The following SUN2 variants were observed in gnomAD, a reference collection of about 807,000 sequenced individuals.
SUN2 encodes the protein SUN domain-containing protein 2.
A neutral mutation model predicts 100.0 loss-of-function variants in SUN2; 60 were observed. The observed-to-expected ratio is 0.60, with a 90% CI of 0.49 to 0.74. The LOEUF (loss-of-function observed/expected upper bound fraction) is 0.74. Ranked by LOEUF, SUN2 falls within the 30% of genes least tolerant of loss-of-function variation. SUN2 has a pLI of 0.00. For missense variants in SUN2, 834 were observed against 954.6 expected, an observed-to-expected ratio of 0.87 and a Z score of 1.66; for synonymous variants, 367 against 403.3, an observed-to-expected ratio of 0.91 and a Z score of 1.08.
chr22:38,745,548 G>T, intron 8 of SUN2, 136 bp downstream of exon 8: 2 of 1,159,452 alleles, frequency 1.7e-6, no homozygotes, highest in South Asian at 1.5e-5. Context: ...TGTTTTCTGT[G>T]CCTTGTAAGA....
rs1476282923 is a variant in SUN2, at chr22:38,755,036, G to C, written c.-38+727C>G. 1 of 1,147,156 alleles carries C rather than the reference G, an allele frequency of 8.7e-7. No homozygotes were observed. The highest frequency in any genetic ancestry group is 6.0e-5 in the East Asian group (1 of 16,626). 71.1% of individuals were successfully genotyped at this position (1,147,156 alleles called of 1,614,324 possible). A position where few individuals can be genotyped will look rare whatever the true frequency, so the allele number is the denominator to read the frequency against. Reference sequence around the variant, plus strand: ...CGCCCCACCTCCTCCCTAACAATCAGTTAGGAAACGCTCATCGGAAAGCAT... The same window carrying C: ...CGCCCCACCTCCTCCCTAACAATCACTTAGGAAACGCTCATCGGAAAGCAT... On this transcript the variant is annotated intron_variant, in intron 1 of 17. Coordinates refer to ENST00000689035, the MANE Select transcript of SUN2 (RefSeq NM_015374.3). The surrounding 1 kb of genome is among the most constrained non-coding windows in gnomAD (Gnocchi z 5.7).
At position 38,751,392 on chromosome 22, in the gene SUN2, G is replaced by A. The variant is rs767573606; in HGVS notation, c.123-19C>T. 3 of 1,612,274 alleles carry A rather than the reference G, an allele frequency of 1.9e-6. No individual in the cohort carries two copies. The highest frequency in any genetic ancestry group is 2.2e-5 in the East Asian group (1 of 44,882). Reference sequence around the variant, plus strand: ...CAAGGTCCTGTGGGACAACCATGAGGGCAGAGGTAGGGAGCAGGGAGGTGA... The same window carrying A: ...CAAGGTCCTGTGGGACAACCATGAGAGCAGAGGTAGGGAGCAGGGAGGTGA... On this transcript the variant is annotated intron_variant, in intron 2 of 17. Coordinates refer to ENST00000689035, the MANE Select transcript of SUN2 (RefSeq NM_015374.3).
At position 38,749,848 on chromosome 22, in the gene SUN2, T is replaced by C. The variant is rs1445522832; in HGVS notation, c.532A>G (p.Arg178Gly). 6.2e-7 allele frequency: 1 copy of C among 1,613,438 alleles called. No individual in the cohort carries two copies. Among genetic ancestry groups the C allele is most frequent in the South Asian group, 1.1e-5 (1 of 91,002 alleles). ...GTGCCAGCCCACCAGTAGAGAAGTC[T>C]GAAGAGCCGGCCTGGAAGAATGACC... ...MVATSPGRLF[R>G]LLYWWAGTTW... The change falls in exon 6 of 18, where the codon AGA (arginine) becomes GGA (glycine). Residue 178 changes from arginine to glycine, a missense_variant. Arg to Gly is a moderately radical substitution (Grantham distance 125). This residue lies in a region of SUN2 where 559 missense variants were observed against 597.7 expected (regional missense o/e 0.94). Coordinates refer to ENST00000689035, the MANE Select transcript of SUN2 (RefSeq NM_015374.3).
intron 1 of SUN2, among the ~76,000 whole-genome samples, chr22:38,753,976 A>C (rs1392553386): frequency 2.0e-5 from 3 of 152,240 alleles, no homozygotes; most frequent in Admixed American, 1.3e-4. Context: ...GGCTGTATAC[A>C]AACTTGTTAC....
chr22:38,740,170 G>C lies in SUN2; in HGVS notation c.1356+97C>G. The C allele has an allele frequency of 7.1e-7, 1 of 1,402,152 alleles. No individual in the cohort carries two copies. The highest frequency in any genetic ancestry group is 9.4e-7 in the Non-Finnish European group (1 of 1,062,812). The allele number at this position is 1,402,152 out of a possible 1,614,324, so 86.9% of individuals were successfully genotyped here. A position where few individuals can be genotyped will look rare whatever the true frequency, so the allele number is the denominator to read the frequency against. On this transcript the variant is annotated intron_variant, in intron 12 of 17. Coordinates refer to ENST00000689035, the MANE Select transcript of SUN2 (RefSeq NM_015374.3). The surrounding 1 kb of genome is among the most constrained non-coding windows in gnomAD (Gnocchi z 4.8). Reference sequence around the variant, plus strand: ...CCACAGTCTCTTGGGCATAACAGAGGCTGCAGGGGCAAGGGGTGCTGCTTT... The same window carrying C: ...CCACAGTCTCTTGGGCATAACAGAGCCTGCAGGGGCAAGGGGTGCTGCTTT...
In SUN2 at chr22:38,740,915, T is replaced by A; in HGVS notation, c.1190+92A>T. 2 of 1,354,052 alleles carry A rather than the reference T, an allele frequency of 1.5e-6. No individual in the cohort carries two copies. The highest frequency in any genetic ancestry group is 2.0e-5 in the Admixed American group (1 of 50,674). 83.9% of individuals were successfully genotyped at this position (1,354,052 alleles called of 1,614,324 possible). ...ATCTGCTTGGCAAGATGATCAGAAC[T>A]CTCTGCTCTGCGGCTCTGCTCCCCA... On this transcript the variant is annotated intron_variant, in intron 11 of 17. Transcript: ENST00000689035. The surrounding 1 kb of genome is among the most constrained non-coding windows in gnomAD (Gnocchi z 4.8).
intron 1 of SUN2, chr22:38,754,529 G>T: frequency 1.1e-6 from 1 of 940,570 alleles, no homozygotes; most frequent in Non-Finnish European, 1.5e-6. Flanking sequence ...GTTGGAAAAG[G>T]GACCGATTGG....
chr22:38,755,806 C>A lies in SUN2; in HGVS notation c.-81G>T, dbSNP rs1432727972. On this transcript the variant is annotated 5_prime_UTR_variant, in exon 1 of 18. Coordinates refer to ENST00000689035, the MANE Select transcript of SUN2 (RefSeq NM_015374.3). This position sits in a 1 kb window ranked among gnomAD's most constrained non-coding sequence, Gnocchi z 5.7. ...CTAGCCCGGCCGGGGGCGTCCGAGG[C>A]CAGGCCGCCGCCGGGGCGCGCCCCC... is the stretch of plus-strand genomic sequence containing the variant. 1 of 984,004 alleles carries A rather than the reference C, an allele frequency of 1.0e-6. No individual in the cohort carries two copies. Among genetic ancestry groups the A allele is most frequent in the Non-Finnish European group, 1.2e-6 (1 of 829,450 alleles). 61.0% of individuals were successfully genotyped at this position (984,004 alleles called of 1,614,324 possible).
intron 7 of SUN2, 34 bp from the exon 8 acceptor site, chr22:38,745,845 G>C: frequency 6.2e-7 from 1 of 1,607,882 alleles, no homozygotes; most frequent in Non-Finnish European, 8.5e-7. Context: ...ACCCCAGCTG[G>C]GCCTCCAGCA....
rs751557207 is a variant in SUN2 at position 38,741,581 on chromosome 22, G to A, written c.1069-10C>T. ...GGGCAGACAGTTCTTCCTGTGAGAC[G>A]GGAGTGAGAGGACAGGTTGGACAGA... On this transcript the variant is annotated splice_polypyrimidine_tract_variant and intron_variant, in intron 9 of 17. Transcript: ENST00000689035. 17 of 1,613,352 alleles carry A rather than the reference G, an allele frequency of 1.1e-5. No homozygotes were observed. The Admixed American group carries it at 1.3e-4, about 13-fold the overall frequency.
intron 6 of SUN2, chr22:38,748,990 A>G: frequency 2.0e-6 from 1 of 511,648 alleles, no homozygotes; most frequent in Non-Finnish European, 3.5e-6. Flanking sequence ...TGATGGGACA[A>G]TTTTGACTGA....
In SUN2 at chr22:38,740,809, C is replaced by T. The variant is rs1051444617; in HGVS notation, c.1190+198G>A. The T allele has an allele frequency of 1.6e-5, 10 of 621,378 alleles. No homozygotes were observed. Among genetic ancestry groups the T allele is most frequent in the African/African-American group, 3.7e-5 (2 of 54,334 alleles). The allele number at this position is 621,378 out of a possible 1,614,324, so 38.5% of individuals were successfully genotyped here. ...CACAGCCTGCCCCCCGCCCTCAGGA[C>T]CCCCCTGCTAACCTCCATGGCACCT... On this transcript the variant is annotated intron_variant, in intron 11 of 17. Coordinates refer to ENST00000689035, the MANE Select transcript of SUN2 (RefSeq NM_015374.3). This position sits in a 1 kb window ranked among gnomAD's most constrained non-coding sequence, Gnocchi z 4.8.
Position 38,737,885 on chromosome 22 carries a change from C to T in SUN2, c.2040+288G>A, listed in dbSNP as rs1014073163. The T allele has an allele frequency of 4.2e-5, 26 of 622,934 alleles. No homozygotes were observed. Among genetic ancestry groups the T allele is most frequent in the East Asian group, 1.4e-4 (4 of 28,142 alleles). The allele number at this position is 622,934 out of a possible 1,614,324, so 38.6% of individuals were successfully genotyped here. On this transcript the variant is annotated intron_variant, in intron 17 of 17. Transcript: ENST00000689035. The surrounding 1 kb of genome is among the most constrained non-coding windows in gnomAD (Gnocchi z 4.1). ...GCGGCGGCTCCTCGAACGCCTCTCC[C>T]GGCCTTCCTTTCCTGGCCACCCAAC...
chr22:38,748,616 C>T (rs920129898), intron 7 of SUN2, 97 bp downstream of exon 7: 23 of 1,401,808 alleles, frequency 1.6e-5, no homozygotes, highest in Non-Finnish European at 2.1e-5. Context: ...CACAGGCACA[C>T]CCCACCCAGT....
Position 38,740,677 on chromosome 22 carries a change from C to T in SUN2, c.1191-245G>A, listed in dbSNP as rs928599686. 3 of 572,796 alleles carry T rather than the reference C, an allele frequency of 5.2e-6. No individual in the cohort carries two copies. Among genetic ancestry groups the T allele is most frequent in the African/African-American group, 3.7e-5 (2 of 53,446 alleles). 35.5% of individuals were successfully genotyped at this position (572,796 alleles called of 1,614,324 possible). A position where few individuals can be genotyped will look rare whatever the true frequency, so the allele number is the denominator to read the frequency against. ...CCAGAGTCCAGAATGTACTCTGCCT[C>T]AGCCTCTCACATCCTCCACAAGCAT... On this transcript the variant is annotated intron_variant, in intron 11 of 17. Transcript: ENST00000689035. This position sits in a 1 kb window ranked among gnomAD's most constrained non-coding sequence, Gnocchi z 4.8.
In SUN2 at chr22:38,755,174, C is replaced by T; in HGVS notation, c.-38+589G>A. On this transcript the variant is annotated intron_variant, in intron 1 of 17. Coordinates refer to ENST00000689035, the MANE Select transcript of SUN2 (RefSeq NM_015374.3). This position sits in a 1 kb window ranked among gnomAD's most constrained non-coding sequence, Gnocchi z 5.7. Reference sequence around the variant, plus strand: ...CAGATCTGGGGCATCTTCCTCGTGACATTTCCACTCCCTGGGCACAGCCAG... The same window carrying T: ...CAGATCTGGGGCATCTTCCTCGTGATATTTCCACTCCCTGGGCACAGCCAG... 2 of 1,130,718 alleles carry T rather than the reference C, an allele frequency of 1.8e-6. No homozygotes were observed. Among genetic ancestry groups the T allele is most frequent in the East Asian group, 1.2e-4 (2 of 16,970 alleles). The allele number at this position is 1,130,718 out of a possible 1,614,324, so 70.0% of individuals were successfully genotyped here. A position where few individuals can be genotyped will look rare whatever the true frequency, so the allele number is the denominator to read the frequency against.
Position 38,737,347 on chromosome 22 carries a change from G to T in SUN2, c.2040+826C>A, listed in dbSNP as rs2092814701. Among the ~76,000 whole-genome samples the T allele has an allele frequency of 6.6e-6, 1 of 151,876 alleles. No individual in the cohort carries two copies. The highest frequency in any genetic ancestry group is 2.1e-4 in the South Asian group (1 of 4,814). On this transcript the variant is annotated intron_variant, in intron 17 of 17. Coordinates refer to ENST00000689035, the MANE Select transcript of SUN2 (RefSeq NM_015374.3). This position sits in a 1 kb window ranked among gnomAD's most constrained non-coding sequence, Gnocchi z 4.1. ...TTCTTCCTCCCACCCCATCCAACTG[G>T]ACATTCACGACCCTCCCTGCTACGT...
Position 38,755,002 on chromosome 22 carries a change from C to T in SUN2, c.-38+761G>A. 1 of 1,273,666 alleles carries T rather than the reference C, an allele frequency of 7.9e-7. No homozygotes were observed. Among genetic ancestry groups the T allele is most frequent in the Non-Finnish European group, 1.0e-6 (1 of 976,114 alleles). The allele number at this position is 1,273,666 out of a possible 1,614,324, so 78.9% of individuals were successfully genotyped here. On this transcript the variant is annotated intron_variant, in intron 1 of 17. Coordinates refer to ENST00000689035, the MANE Select transcript of SUN2 (RefSeq NM_015374.3). This position sits in a 1 kb window ranked among gnomAD's most constrained non-coding sequence, Gnocchi z 5.7. ...ATCTACTACTGCGAATCATAATAGA[C>T]ACCACCCCCGCCCCACCTCCTCCCT...
rs754925148 is a variant in SUN2 at position 38,742,354 on chromosome 22, G to A, written c.1015C>T (p.Arg339Cys). Residue 339 changes from arginine (R) to cysteine (C), a missense_variant, in exon 9 of 18, where the codon CGT becomes TGT. Around this residue, in one of 3 missense-constraint regions of SUN2, gnomAD observed 559 missense variants for 597.7 expected, o/e 0.94. Transcript: ENST00000689035. The part of the protein sequence containing the change: ...LALLEGLVSR[R>C]EAALKEDFRR... Reference sequence around the variant, plus strand: ...AAATCCTCCTTCAGGGCAGCTTCACGGCGGCTCACTAGCCCCTCCAGCAGC... The same window carrying A: ...AAATCCTCCTTCAGGGCAGCTTCACAGCGGCTCACTAGCCCCTCCAGCAGC... 3.7e-6 allele frequency: 6 copies of A among 1,611,846 alleles called. No homozygotes were observed. Among genetic ancestry groups the A allele is most frequent in the South Asian group, 2.2e-5 (2 of 91,030 alleles).
Sources: gnomAD v4.1 joint callset for allele counts (sites outside exome capture counted in the v4.1 genomes callset) on GRCh38, gnomAD v4.1.1 for gene constraint, gnomAD v4.1.1 regional missense constraint, Gnocchi (gnomAD v3.1) non-coding constraint, MANE v1.5 for transcripts, NCBI Gene and HGNC (gene_info 2026-07-23, HGNC 2026-07-21) for gene names.